The following TXNDC16 variants were observed in gnomAD, a reference collection of about 807,000 sequenced individuals.
TXNDC16 encodes thioredoxin domain containing 16.
A neutral mutation model predicts 85.6 loss-of-function variants in TXNDC16; 74 were observed. The observed-to-expected ratio is 0.86, with a 90% confidence interval of 0.72 to 1.05. The LOEUF (loss-of-function observed/expected upper bound fraction) is 1.05, where lower values mean the gene tolerates loss of function less well. Among genes scored for constraint, TXNDC16 ranks in the 50% least tolerant of loss-of-function variants. TXNDC16 has a pLI of 0.00. For synonymous variants in TXNDC16, 335 were observed against 326.5 expected (o/e 1.03, Z -0.28); for missense variants, 959 against 947.0 (o/e 1.01, Z -0.17).
chr14:52,454,649 C>CA (rs34727206), intron 18 of TXNDC16, among the ~76,000 whole-genome samples: 17,304 of 60,446 alleles, frequency 0.29, 2,096 homozygotes, highest in East Asian at 0.61. Context: ...ACTAAAAATA[C>CA]AAAAAAAAAA....
chr14:52,472,149 G>A (rs1566545951), intron 14 of TXNDC16, among the ~76,000 whole-genome samples: 1 of 150,020 alleles, frequency 6.7e-6, no homozygotes, highest in Non-Finnish European at 1.5e-5. Context: ...TTTAGATTTA[G>A]TGTTAACAAT....
chr14:52,502,038 G>A (rs1030463485), intron 9 of TXNDC16, among the ~76,000 whole-genome samples: 5 of 152,108 alleles, frequency 3.3e-5, no homozygotes, highest in Non-Finnish European at 5.9e-5. Flanking sequence ...GAAAGTCCAC[G>A]AATCTGTGCT....
chr14:52,450,413 C>G (rs1262478390), intron 18 of TXNDC16, among the ~76,000 whole-genome samples: 2 of 133,382 alleles, frequency 1.5e-5, no homozygotes, highest in Non-Finnish European at 3.2e-5. Context: ...GGACCAATAA[C>G]AAACAAGGAG....
intron 16 of TXNDC16, among the ~76,000 whole-genome samples, chr14:52,460,913 A>G (rs1287210502): frequency 6.6e-6 from 1 of 152,006 alleles, no homozygotes; most frequent in African/African-American, 2.4e-5. Flanking sequence ...TATCAATTCT[A>G]AAGCTGATTT....
At chr14:52,523,623 T>G (rs946781585) in intron 6 of TXNDC16, among the ~76,000 whole-genome samples, 9 of 152,208 alleles carry the variant, frequency 5.9e-5, no homozygotes, top group African/African-American at 2.2e-4. Context: ...AATAAGTATT[T>G]CTAAATTAAC....
chr14:52,503,578 ACC>A (rs1050078983), intron 9 of TXNDC16, among the ~76,000 whole-genome samples: 1 of 152,188 alleles, frequency 6.6e-6, no homozygotes, highest in African/African-American at 2.4e-5. Flanking sequence ...TCTGTATATC[ACC>A]ATCATCAAAG....
chr14:52,499,865 A>T (rs1406076120), intron 9 of TXNDC16, among the ~76,000 whole-genome samples: 1 of 152,186 alleles, frequency 6.6e-6, no homozygotes, highest in Non-Finnish European at 1.5e-5. Context: ...TATACCTTAA[A>T]ATCATCTCTA....
At chr14:52,480,975 GTATATATATA>G (rs141877325) in intron 14 of TXNDC16, among the ~76,000 whole-genome samples, 4 of 134,992 alleles carry the variant, frequency 3.0e-5, no homozygotes, top group African/African-American at 1.1e-4. Flanking sequence ...ATATATATAT[GTATATATATA>G]TATATATATA....
Position 52,432,514 on chromosome 14 carries a change from T to C in TXNDC16, c.2268A>G (p.Thr756=), listed in dbSNP as rs773055923. 5 of 1,614,044 alleles carry C rather than the reference T, an allele frequency of 3.1e-6. No individual in the cohort carries two copies. Among genetic ancestry groups the C allele is most frequent in the South Asian group, 1.1e-5 (1 of 91,064 alleles). Residue 756 remains threonine (T), a synonymous_variant, in exon 21 of 21, where the codon ACA becomes ACG. Transcript: ENST00000281741. The stretch of plus-strand genomic sequence containing the variant: ...GAACTTTCCTAGTGCCACGTTGAGA[T>C]GTTGCGGCATCTATCATACTTAGAA... The part of the protein sequence containing the change: ...YDFLSMIDAA[T]SQRGTRKVPK...
At chr14:52,483,033 T>C (rs752569442) in intron 12 of TXNDC16, 68 bp from the exon 13 acceptor site, 303 of 1,293,312 alleles carry the variant, frequency 2.3e-4, no homozygotes, top group Non-Finnish European at 3.0e-4. Context: ...GCTCTTCTCA[T>C]AGGAAGCATA....
chr14:52,455,649 A>G (rs2035515813), intron 17 of TXNDC16, among the ~76,000 whole-genome samples, 187 bp from the exon 18 acceptor site: 2 of 152,188 alleles, frequency 1.3e-5, no homozygotes, highest in Non-Finnish European at 2.9e-5. Context: ...AGAAACAGGT[A>G]ATGATCTATA....
chr14:52,543,503 T>C lies in TXNDC16; in HGVS notation c.55A>G (p.Ile19Val). The C allele has an allele frequency of 6.2e-7, 1 of 1,613,694 alleles. No individual in the cohort carries two copies. The highest frequency in any genetic ancestry group is 8.5e-7 in the Non-Finnish European group (1 of 1,179,750). The change falls in exon 3 of 21, where the codon ATT becomes GTT. Residue 19 changes from isoleucine (I) to valine (V), a missense_variant. Ile to Val is a conservative substitution (Grantham distance 29, BLOSUM62 3). Transcript: ENST00000281741. Reference protein sequence around the residue: ...RVGISFVIMCIFYMPTVNSLP... With the variant: ...RVGISFVIMCVFYMPTVNSLP... Reference sequence around the variant, plus strand: ...GAGTTTACTGTTGGCATGTAAAAAATGCACATTATGACAAAAGAGATCCCA... The same window carrying C: ...GAGTTTACTGTTGGCATGTAAAAAACGCACATTATGACAAAAGAGATCCCA...
chr14:52,513,838 G>A (rs2037014857), intron 8 of TXNDC16, among the ~76,000 whole-genome samples: 1 of 152,004 alleles, frequency 6.6e-6, no homozygotes, highest in Non-Finnish European at 1.5e-5. Context: ...ATAGAGGCTG[G>A]TAAGATGAGA....
intron 16 of TXNDC16, among the ~76,000 whole-genome samples, chr14:52,460,363 T>C (rs1252708052): frequency 6.6e-6 from 1 of 152,150 alleles, no homozygotes; most frequent in African/African-American, 2.4e-5. Flanking sequence ...AAGCAATCTA[T>C]AGATTCAATG....
intron 16 of TXNDC16, among the ~76,000 whole-genome samples, chr14:52,469,644 G>A (rs545581294): frequency 3.3e-5 from 5 of 152,040 alleles, no homozygotes; most frequent in Non-Finnish European, 5.9e-5. Context: ...TCAGGAGGCT[G>A]AGGCAGGAGA....
At chr14:52,546,403 T>C (rs1036834818) in intron 1 of TXNDC16, among the ~76,000 whole-genome samples, 2 of 152,232 alleles carry the variant, frequency 1.3e-5, no homozygotes, top group African/African-American at 4.8e-5. Context: ...TTCATTACTA[T>C]AGTTCTAGTT....
intron 16 of TXNDC16, 133 bp downstream of exon 16, chr14:52,469,904 C>A (rs1475653508): frequency 1.2e-6 from 1 of 859,752 alleles, no homozygotes; most frequent in East Asian, 3.1e-5. Flanking sequence ...AATTAGCTTA[C>A]GATATTTTAT....
At chr14:52,495,474 T>C (rs2036509789) in intron 9 of TXNDC16, among the ~76,000 whole-genome samples, 1 of 152,120 alleles carries the variant, frequency 6.6e-6, no homozygotes, top group African/African-American at 2.4e-5. Context: ...ATTCTGTTGG[T>C]CAAGACAGTT....
intron 18 of TXNDC16, among the ~76,000 whole-genome samples, chr14:52,447,463 C>T (rs575374092): frequency 1.2e-4 from 18 of 152,286 alleles, no homozygotes; most frequent in South Asian, 2.1e-4. Flanking sequence ...TTGGGAGAGA[C>T]CCAGTACTGT....
Sources: gnomAD v4.1 joint callset for allele counts (sites outside exome capture counted in the v4.1 genomes callset) on GRCh38, gnomAD v4.1.1 for gene constraint, MANE v1.5 for transcripts, NCBI Gene and HGNC (gene_info 2026-07-23, HGNC 2026-07-21) for gene names.